STAG1: variants seen among roughly 807,000 people sequenced by gnomAD.
STAG1 encodes cohesin subunit SA-1.
Under a neutral mutation model 170.9 loss-of-function variants are expected in STAG1, and 26 were observed. That is an observed-to-expected ratio of 0.15 (90% CI 0.11 to 0.21). The LOEUF (loss-of-function observed/expected upper bound fraction) is 0.21. STAG1 is among the 10% of genes least tolerant of loss of function. The probability of loss-of-function intolerance (pLI) is 1.00; values close to 1 mark genes in which losing one functional copy is unlikely to be tolerated. For missense variants in STAG1, 964 were observed against 1,509.5 expected, an observed-to-expected ratio of 0.64 and a Z score of 5.99; for synonymous variants, 514 against 497.7, an observed-to-expected ratio of 1.03 and a Z score of -0.44.
chr3:136,489,864 G>A (rs2090089120), intron 9 of STAG1, among the ~76,000 whole-genome samples: 1 of 152,082 alleles, frequency 6.6e-6, no homozygotes, highest in Non-Finnish European at 1.5e-5. Context: ...GTGTTACAGA[G>A]AACACAGAAG....
chr3:136,553,431 C>T (rs550045193), intron 5 of STAG1, among the ~76,000 whole-genome samples: 4 of 152,206 alleles, frequency 2.6e-5, no homozygotes, highest in African/African-American at 7.2e-5. Flanking sequence ...ATATATTCTA[C>T]GCCTACAGCA....
chr3:136,403,243 AAAAAAAAAAAG>A (rs2087385809), intron 21 of STAG1, among the ~76,000 whole-genome samples: 1 of 149,514 alleles, frequency 6.7e-6, no homozygotes, highest in South Asian at 2.1e-4. Flanking sequence ...AAAAAAAAAA[AAAAAAAAAAAG>A]AAAAGAAAAG....
intron 14 of STAG1, among the ~76,000 whole-genome samples, chr3:136,448,258 G>A (rs2088841064): frequency 6.6e-6 from 1 of 152,126 alleles, no homozygotes; most frequent in Admixed American, 6.6e-5. Flanking sequence ...GTTAATCCCA[G>A]GTAAATGTCT....
Position 136,731,160 on chromosome 3 carries a change from A to G in STAG1, c.-84+21035T>C, listed in dbSNP as rs570755558. On this transcript the variant is annotated intron_variant, in intron 1 of 33. Coordinates refer to ENST00000383202, the MANE Select transcript of STAG1 (RefSeq NM_005862.3). ...CTTTCACTTCTCTTTCAAAACTCAC[A>G]TAACAATTCATCTCCTTCAGGAAGC... is the stretch of plus-strand genomic sequence containing the variant. Among the ~76,000 whole-genome samples, 111 of 152,204 alleles carry G rather than the reference A, an allele frequency of 7.3e-4. 1 individual carries two copies. The South Asian group carries it at 0.021, about 29-fold the overall frequency.
intron 16 of STAG1, 34 bp downstream of exon 16, chr3:136,433,522 A>T (rs1272155907): frequency 6.7e-7 from 1 of 1,502,052 alleles, no homozygotes; most frequent in Admixed American, 1.9e-5. Context: ...GCCATTAAAA[A>T]CCTTTTAGGA....
chr3:136,442,693 T>TAAA, intron 15 of STAG1, among the ~76,000 whole-genome samples: 1 of 148,816 alleles, frequency 6.7e-6, no homozygotes, highest in South Asian at 2.1e-4. Context: ...TGGATGTACT[T>TAAA]AAAAAAAAAA....
intron 1 of STAG1, among the ~76,000 whole-genome samples, chr3:136,673,956 G>C (rs939553220): frequency 2.6e-5 from 4 of 151,320 alleles, no homozygotes; most frequent in Non-Finnish European, 5.9e-5. Flanking sequence ...TACAACAATT[G>C]GCCAGGCGTG....
chr3:136,509,974 TA>T (rs1933964269), intron 7 of STAG1, among the ~76,000 whole-genome samples: 1 of 152,214 alleles, frequency 6.6e-6, no homozygotes, highest in African/African-American at 2.4e-5. Context: ...TTATTTTTTT[TA>T]AAAGGGATCT....
At chr3:136,717,886 C>T (rs1384648090) in intron 1 of STAG1, among the ~76,000 whole-genome samples, 3 of 152,144 alleles carry the variant, frequency 2.0e-5, no homozygotes, top group African/African-American at 7.2e-5. Flanking sequence ...TGGACCTCAT[C>T]CCATGTTCTA....
At chr3:136,635,797 T>A (rs1357100185) in intron 1 of STAG1, among the ~76,000 whole-genome samples, 1 of 152,230 alleles carries the variant, frequency 6.6e-6, no homozygotes, top group Admixed American at 6.5e-5. Context: ...AAGGCTAATA[T>A]ATAAAAGTCA....
intron 1 of STAG1, among the ~76,000 whole-genome samples, chr3:136,705,975 T>G (rs565086531): frequency 1.1e-3 from 162 of 151,036 alleles, no homozygotes; most frequent in African/African-American, 2.2e-3. Context: ...GAGGCCAAGG[T>G]GGGAGGATCA....
intron 22 of STAG1, among the ~76,000 whole-genome samples, chr3:136,383,954 C>CA (rs71304276): frequency 0.22 from 12,954 of 58,528 alleles, 1,059 homozygotes; most frequent in Non-Finnish European, 0.28. Context: ...GACTCCGTCT[C>CA]AAAAAAAAAA....
intron 1 of STAG1, among the ~76,000 whole-genome samples, chr3:136,700,700 A>C (rs759353830): frequency 1.5e-4 from 23 of 151,360 alleles, no homozygotes; most frequent in Non-Finnish European, 2.5e-4. Flanking sequence ...GATTACAGGC[A>C]TAATAGACCA....
At chr3:136,364,408 G>A (rs962159790) in intron 25 of STAG1, among the ~76,000 whole-genome samples, 10 of 152,100 alleles carry the variant, frequency 6.6e-5, no homozygotes, top group South Asian at 2.1e-4. Flanking sequence ...TGATTGAACA[G>A]ACAACATCTA....
At chr3:136,567,229 A>C (rs1343119411) in intron 5 of STAG1, among the ~76,000 whole-genome samples, 1 of 152,236 alleles carries the variant, frequency 6.6e-6, no homozygotes, top group African/African-American at 2.4e-5. Flanking sequence ...CTGTTGATTA[A>C]TAGGACTATA....
chr3:136,458,341 G>A (rs920372355), intron 13 of STAG1, among the ~76,000 whole-genome samples: 2 of 152,152 alleles, frequency 1.3e-5, no homozygotes, highest in African/African-American at 4.8e-5. Flanking sequence ...ATTTTTAGCA[G>A]AGACAGGCTT....
intron 4 of STAG1, among the ~76,000 whole-genome samples, chr3:136,593,669 C>T (rs1336806538): frequency 6.6e-6 from 1 of 152,156 alleles, no homozygotes; most frequent in African/African-American, 2.4e-5. Context: ...CTTGTTTAAA[C>T]AACTGCTATT....
chr3:136,528,262 C>T (rs1005616626), intron 6 of STAG1, among the ~76,000 whole-genome samples: 11 of 152,258 alleles, frequency 7.2e-5, no homozygotes, highest in African/African-American at 2.2e-4. Flanking sequence ...CTATGTTTAC[C>T]TACTCAAGCC....
At chr3:136,584,147 G>A (rs1243472838) in intron 4 of STAG1, among the ~76,000 whole-genome samples, 1 of 152,136 alleles carries the variant, frequency 6.6e-6, no homozygotes, top group Non-Finnish European at 1.5e-5. Context: ...CTCCTGTCCT[G>A]GTACTCTAAA....
Sources: allele counts gnomAD v4.1 joint callset (sites outside exome capture counted in the v4.1 genomes callset), GRCh38; gene constraint gnomAD v4.1.1; transcripts MANE v1.5; gene names NCBI Gene and HGNC (gene_info 2026-07-23, HGNC 2026-07-21).